PDE10A: variants seen among roughly 807,000 people sequenced by gnomAD.
PDE10A encodes the protein cAMP and cAMP-inhibited cGMP 3',5'-cyclic phosphodiesterase 10A.
A neutral mutation model predicts 97.7 loss-of-function variants in PDE10A; 39 were observed. The observed-to-expected ratio is 0.40, with a 90% CI of 0.31 to 0.52. The LOEUF (loss-of-function observed/expected upper bound fraction) is 0.52, where lower values mean the gene tolerates loss of function less well. Ranked by LOEUF, PDE10A falls within the 20% of genes least tolerant of loss-of-function variation. The pLI is 0.56. For missense variants in PDE10A, 731 were observed against 1,047.8 expected (o/e 0.70, Z 4.17); for synonymous variants, 371 against 376.8 (o/e 0.98, Z 0.18).
intron 1 of PDE10A, among the ~76,000 whole-genome samples, chr6:165,861,390 CGG>C (rs895253802): frequency 6.6e-6 from 1 of 150,554 alleles, no homozygotes; most frequent in Non-Finnish European, 1.5e-5. Flanking sequence ...CTTGTCCTCT[CGG>C]GGGGGCGCTA....
rs948618367 is a variant in PDE10A, at chr6:165,329,694, G to A, written c.*3331C>T. The A allele has an allele frequency of 6.6e-6, 1 of 152,062 alleles. No individual in the cohort carries two copies. The highest frequency in any genetic ancestry group is 1.9e-4 in the East Asian group (1 of 5,192). 9.4% of individuals were successfully genotyped at this position (152,062 alleles called of 1,614,324 possible). A position where few individuals can be genotyped will look rare whatever the true frequency, so the allele number is the denominator to read the frequency against. On this transcript the variant is annotated 3_prime_UTR_variant, in exon 22 of 22. Coordinates refer to ENST00000539869, the MANE Select transcript of PDE10A (RefSeq NM_001385079.1). ...AAATGAAAAAAAATCTAAAAAGCAT[G>A]CCAAAAAAGAGGAAATCTATTATTG...
At chr6:165,961,106 G>A (rs568671662) in intron 1 of PDE10A, among the ~76,000 whole-genome samples, 1 of 151,828 alleles carries the variant, frequency 6.6e-6, no homozygotes, top group Non-Finnish European at 1.5e-5. Context: ...GGCCAGGCTT[G>A]TGGTGGGAGG....
chr6:165,750,794 C>T (rs1019670641), intron 1 of PDE10A, among the ~76,000 whole-genome samples: 5 of 152,120 alleles, frequency 3.3e-5, no homozygotes, highest in Non-Finnish European at 7.3e-5. Context: ...CCACAGTTCC[C>T]CTAAGTCTGA....
At chr6:165,933,043 G>A (rs1280978878) in intron 1 of PDE10A, among the ~76,000 whole-genome samples, 1 of 152,156 alleles carries the variant, frequency 6.6e-6, no homozygotes, top group Non-Finnish European at 1.5e-5. Flanking sequence ...TACCAGAGAT[G>A]ACAAACCCCT....
chr6:165,825,958 A>G (rs539727851), intron 1 of PDE10A, among the ~76,000 whole-genome samples: 3 of 152,260 alleles, frequency 2.0e-5, no homozygotes, highest in East Asian at 3.9e-4. Flanking sequence ...TACAGTCATA[A>G]TTTTGATTAG....
At chr6:165,980,318 A>G (rs1287394074) in intron 1 of PDE10A, among the ~76,000 whole-genome samples, 1 of 152,226 alleles carries the variant, frequency 6.6e-6, no homozygotes, top group Non-Finnish European at 1.5e-5. Flanking sequence ...TCTTTGACTC[A>G]ACTTCCATAT....
intron 1 of PDE10A, among the ~76,000 whole-genome samples, chr6:165,549,351 GTC>G (rs1342919935): frequency 6.6e-6 from 1 of 152,110 alleles, no homozygotes; most frequent in Non-Finnish European, 1.5e-5. Context: ...TTGAGACAGA[GTC>G]TCTCTGTGTC....
At chr6:165,609,023 AGT>A (rs1373020003) in intron 1 of PDE10A, among the ~76,000 whole-genome samples, 3 of 151,986 alleles carry the variant, frequency 2.0e-5, no homozygotes, top group Non-Finnish European at 4.4e-5. Context: ...TTGTCAGATG[AGT>A]AGATTGCAAA....
At chr6:165,660,722 T>A (rs1790205061) in intron 1 of PDE10A, 1 of 152,626 alleles carries the variant, frequency 6.6e-6, no homozygotes, top group Admixed American at 6.5e-5. Flanking sequence ...GAAACAGCAA[T>A]CCTGGAAGAG....
intron 1 of PDE10A, among the ~76,000 whole-genome samples, chr6:165,831,358 C>A (rs1205814384): frequency 1.2e-5 from 1 of 80,238 alleles, no homozygotes; most frequent in African/African-American, 5.3e-5. Context: ...GGCGAGAGAG[C>A]GAGACTCTGT....
rs1048697322 is a variant in PDE10A at position 165,328,798 on chromosome 6, G to A, written c.*4227C>T. ...TTTTATCATATAAAATGCTTCCAAC[G>A]CTACAGACAACCAAAATATTCCGTT... On this transcript the variant is annotated 3_prime_UTR_variant, in exon 22 of 22. Transcript: ENST00000539869. The A allele has an allele frequency of 3.9e-5, 6 of 151,962 alleles. No individual in the cohort carries two copies. Among genetic ancestry groups the A allele is most frequent in the South Asian group, 2.1e-4 (1 of 4,820 alleles). 9.4% of individuals were successfully genotyped at this position (151,962 alleles called of 1,614,324 possible). A position where few individuals can be genotyped will look rare whatever the true frequency, so the allele number is the denominator to read the frequency against.
intron 18 of PDE10A, among the ~76,000 whole-genome samples, chr6:165,373,564 C>T (rs374289365): frequency 3.3e-5 from 5 of 151,976 alleles, no homozygotes; most frequent in East Asian, 3.9e-4. Flanking sequence ...TGGCAATCAT[C>T]AAAAAGTCAG....
rs16897716 is a variant in PDE10A, at chr6:165,345,406, G to A, written c.2784-1904C>T. ...AGAAATTTGGCATCAAATGTCTTTA[G>A]TAAATGTAAGTACTCATTTTTTTAC... On this transcript the variant is annotated intron_variant, in intron 18 of 21. Coordinates refer to ENST00000539869, the MANE Select transcript of PDE10A (RefSeq NM_001385079.1). 5.6e-3 allele frequency among the ~76,000 whole-genome samples: 853 copies of A among 152,290 alleles called. 10 individuals are homozygous for A. The highest frequency in any genetic ancestry group is 0.019 in the African/African-American group (791 of 41,570).
chr6:165,530,439 C>T (rs601998), intron 2 of PDE10A, among the ~76,000 whole-genome samples: 86,671 of 151,416 alleles, frequency 0.57, 29,422 homozygotes, highest in Non-Finnish European at 0.73. Context: ...AACCAACAAG[C>T]GAAAAACAAA....
rs77150248 is a variant in PDE10A, at chr6:165,608,745, C to T, written c.865+53202G>A. 6.5e-3 allele frequency among the ~76,000 whole-genome samples: 990 copies of T among 152,258 alleles called. 10 individuals carry two copies. Among genetic ancestry groups the T allele is most frequent in the South Asian group, 0.028 (134 of 4,816 alleles). ...TCCCACCAACAGTGTAAAAGTGTTCCTATTTCTCCATATCCTCTCCAGCAC... is the reference window on the plus strand; with the variant it reads ...TCCCACCAACAGTGTAAAAGTGTTCTTATTTCTCCATATCCTCTCCAGCAC... On this transcript the variant is annotated intron_variant, in intron 1 of 21. Coordinates refer to ENST00000539869, the MANE Select transcript of PDE10A (RefSeq NM_001385079.1).
chr6:165,590,822 C>T (rs964561698), intron 1 of PDE10A, among the ~76,000 whole-genome samples: 28 of 151,890 alleles, frequency 1.8e-4, no homozygotes, highest in Admixed American at 9.8e-4. Context: ...ACCCGGGAGG[C>T]GGAGCTTGCA....
chr6:165,732,757 T>C (rs10455806), intron 1 of PDE10A, among the ~76,000 whole-genome samples: 41,204 of 152,188 alleles, frequency 0.27, 6,599 homozygotes, highest in Middle Eastern at 0.41. Flanking sequence ...ACAGTAGCTC[T>C]GGAGTCTCCA....
chr6:165,346,411 T>G (rs537026851), intron 18 of PDE10A, among the ~76,000 whole-genome samples: 1 of 152,310 alleles, frequency 6.6e-6, no homozygotes, highest in East Asian at 1.9e-4. Context: ...CCGTCTTCGT[T>G]TCCTTTTCCC....
At chr6:165,755,071 G>T (rs1300935781) in intron 1 of PDE10A, among the ~76,000 whole-genome samples, 1 of 152,046 alleles carries the variant, frequency 6.6e-6, no homozygotes, top group Admixed American at 6.5e-5. Flanking sequence ...TATGGAGAGG[G>T]ACACACTCTT....
Sources: allele counts gnomAD v4.1 joint callset (sites outside exome capture counted in the v4.1 genomes callset), GRCh38; gene constraint gnomAD v4.1.1; transcripts MANE v1.5; gene names NCBI Gene and HGNC (gene_info 2026-07-23, HGNC 2026-07-21).